The following RGS20 variants were observed in gnomAD, a reference collection of about 807,000 sequenced individuals.
RGS20 encodes gz-selective GTPase-activating protein.
RGS20 carries 30 observed loss-of-function variants against 33.6 expected under a neutral mutation model. That is an observed-to-expected ratio of 0.89 (90% CI 0.67 to 1.21). RGS20 has a LOEUF of 1.21. RGS20 is among the 50% of genes most tolerant of loss of function. The pLI, the probability that RGS20 is intolerant of heterozygous loss-of-function variation, is 0.00. For missense variants in RGS20, 472 were observed against 502.4 expected, an observed-to-expected ratio of 0.94 and a Z score of 0.58; for synonymous variants, 208 against 197.9, an observed-to-expected ratio of 1.05 and a Z score of -0.43.
intron 2 of RGS20, among the ~76,000 whole-genome samples, chr8:53,937,163 G>A (rs1196196560): frequency 1.3e-5 from 2 of 152,040 alleles, no homozygotes; most frequent in Non-Finnish European, 2.9e-5. Flanking sequence ...GAGAGGGGAA[G>A]GATAGCATTA....
At chr8:53,897,437 G>A (rs1812897054) in intron 2 of RGS20, among the ~76,000 whole-genome samples, 1 of 152,196 alleles carries the variant, frequency 6.6e-6, no homozygotes, top group South Asian at 2.1e-4. Flanking sequence ...GGAAGCATCA[G>A]TAGAAATGTT....
At chr8:53,889,512 T>A (rs1812652711) in intron 2 of RGS20, among the ~76,000 whole-genome samples, 1 of 140,554 alleles carries the variant, frequency 7.1e-6, no homozygotes, top group South Asian at 2.5e-4. Context: ...GCCGTGAAGC[T>A]GAGACTATAG....
At chr8:53,910,675 G>T (rs982080838) in intron 2 of RGS20, among the ~76,000 whole-genome samples, 1 of 152,138 alleles carries the variant, frequency 6.6e-6, no homozygotes, top group African/African-American at 2.4e-5. Flanking sequence ...CCCAAAACAG[G>T]AAATAACACA....
chr8:53,941,614 AATT>A (rs780953332), intron 3 of RGS20, among the ~76,000 whole-genome samples: 1 of 152,216 alleles, frequency 6.6e-6, no homozygotes, highest in Non-Finnish European at 1.5e-5. Flanking sequence ...TCTTAGAAAA[AATT>A]ATTAAAAGAA....
chr8:53,911,854 T>C (rs1813355951), intron 2 of RGS20, among the ~76,000 whole-genome samples: 1 of 152,120 alleles, frequency 6.6e-6, no homozygotes, highest in African/African-American at 2.4e-5. Flanking sequence ...GGCATGAGAA[T>C]CGCTTGAACC....
intron 5 of RGS20, among the ~76,000 whole-genome samples, chr8:53,957,058 A>G (rs1474686253): frequency 6.6e-6 from 1 of 152,192 alleles, no homozygotes; most frequent in Admixed American, 6.5e-5. Context: ...ACTTCAGGGG[A>G]AGAGCTCACT....
chr8:53,869,537 AT>A (rs1481370304), intron 1 of RGS20, among the ~76,000 whole-genome samples: 1 of 152,004 alleles, frequency 6.6e-6, no homozygotes, highest in Non-Finnish European at 1.5e-5. Context: ...TTAGCCGGGC[AT>A]GCTGGCAGGT....
chr8:53,887,747 C>T (rs969917820), intron 2 of RGS20, among the ~76,000 whole-genome samples: 5 of 152,196 alleles, frequency 3.3e-5, no homozygotes, highest in African/African-American at 4.8e-5. Context: ...GAGGCCAAGA[C>T]GGGTGGATCA....
chr8:53,872,285 A>T (rs1812092342), intron 1 of RGS20, among the ~76,000 whole-genome samples: 1 of 152,132 alleles, frequency 6.6e-6, no homozygotes, highest in Non-Finnish European at 1.5e-5. Flanking sequence ...AATTCACTCC[A>T]ATACTCAGCA....
chr8:53,934,824 A>G (rs1814082845), intron 2 of RGS20, among the ~76,000 whole-genome samples: 1 of 152,172 alleles, frequency 6.6e-6, no homozygotes, highest in Non-Finnish European at 1.5e-5. Context: ...TCAGCACCAC[A>G]TCACATTTAT....
intron 2 of RGS20, 37 bp from the exon 2 acceptor site, chr8:53,939,539 C>A: frequency 6.9e-7 from 1 of 1,447,194 alleles, no homozygotes; most frequent in Non-Finnish European, 9.1e-7. Context: ...AACGCTGGAA[C>A]CCCCTCCCGC....
chr8:53,905,886 C>G (rs563789629), intron 2 of RGS20, among the ~76,000 whole-genome samples: 28 of 152,318 alleles, frequency 1.8e-4, no homozygotes, highest in African/African-American at 6.7e-4. Context: ...GTTCTGGAAG[C>G]CTAGAGCCCT....
chr8:53,955,611 C>T (rs969486118), intron 5 of RGS20, among the ~76,000 whole-genome samples: 2 of 152,110 alleles, frequency 1.3e-5, no homozygotes, highest in African/African-American at 4.8e-5. Flanking sequence ...AGGTGGATCA[C>T]CTGAGGTCAG....
At chr8:53,904,210 C>A (rs1374731530) in intron 2 of RGS20, among the ~76,000 whole-genome samples, 1 of 151,876 alleles carries the variant, frequency 6.6e-6, no homozygotes, top group Non-Finnish European at 1.5e-5. Context: ...GCAACCTCCG[C>A]ATCCCAGGTT....
chr8:53,864,168 G>A (rs569382556), intron 1 of RGS20, among the ~76,000 whole-genome samples: 9 of 151,038 alleles, frequency 6.0e-5, no homozygotes, highest in African/African-American at 2.2e-4. Context: ...GCTCACACCT[G>A]TAATCCCAGC....
chr8:53,879,450 C>T lies in RGS20; in HGVS notation c.358C>T (p.His120Tyr). ...GCCGGCCGCCCGGCTCTCGAGGGGG[C>T]ACGAGGAGCTGCCGGGCCGCCTCTC... is the stretch of plus-strand genomic sequence containing the variant. Residue 120 changes from histidine (H) to tyrosine (Y), a missense_variant, in exon 2 of 6, where the codon CAC becomes TAC. By Grantham distance (83) the His-to-Tyr change is moderately conservative. This residue lies in a region of RGS20 where 319 missense variants were observed against 283.4 expected (regional missense o/e 1.13). Coordinates refer to ENST00000297313, the MANE Select transcript of RGS20 (RefSeq NM_170587.4). The T allele has an allele frequency of 3.8e-6, 6 of 1,599,228 alleles. No individual in the cohort carries two copies. The highest frequency in any genetic ancestry group is 5.1e-6 in the Non-Finnish European group (6 of 1,174,140).
intron 4 of RGS20, among the ~76,000 whole-genome samples, chr8:53,953,655 T>C (rs1357583912): frequency 6.6e-6 from 1 of 152,224 alleles, no homozygotes; most frequent in Non-Finnish European, 1.5e-5. Flanking sequence ...AGACACTTGC[T>C]CTATTGTTCC....
Position 53,950,230 on chromosome 8 carries a change from A to T in RGS20, c.743+3482A>T, listed in dbSNP as rs886636703. On this transcript the variant is annotated intron_variant, in intron 4 of 5. Coordinates refer to ENST00000297313, the MANE Select transcript of RGS20 (RefSeq NM_170587.4). ...AATCAAATATTATTGTTCAAATTTTAAAAAAATTGATGATTGAAATAGAAG... is the reference window on the plus strand; with the variant it reads ...AATCAAATATTATTGTTCAAATTTTTAAAAAATTGATGATTGAAATAGAAG... 1.8e-4 allele frequency among the ~76,000 whole-genome samples: 28 copies of T among 152,206 alleles called. 1 individual carries two copies. The highest frequency in any genetic ancestry group is 1.2e-3 in the Admixed American group (19 of 15,272).
In RGS20 at chr8:53,879,250, C is replaced by A; in HGVS notation, c.166-8C>A. ...TATGCTGGTTTTGTTTCTCTCTCCC[C>A]ACCCCAGTCCTTCCCGCCTGCACAG... On this transcript the variant is annotated splice_region_variant and splice_polypyrimidine_tract_variant and intron_variant, in intron 1 of 5. Transcript: ENST00000297313. The A allele has an allele frequency of 6.2e-7, 1 of 1,611,334 alleles. No individual in the cohort carries two copies. The highest frequency in any genetic ancestry group is 8.5e-7 in the Non-Finnish European group (1 of 1,177,986).
Sources: allele counts gnomAD v4.1 joint callset (sites outside exome capture counted in the v4.1 genomes callset), GRCh38; gene constraint gnomAD v4.1.1; regional missense constraint gnomAD v4.1.1; transcripts MANE v1.5; gene names NCBI Gene and HGNC (gene_info 2026-07-23, HGNC 2026-07-21).